OR56A3: variants seen among roughly 807,000 people sequenced by gnomAD.
OR56A3 encodes olfactory receptor 56A3.
OR56A3 carries 23 observed loss-of-function variants against 17.5 expected under a neutral mutation model. That is an observed-to-expected ratio of 1.32 (90% CI 0.95 to 1.87). The LOEUF is 1.87. Among genes scored for constraint, OR56A3 ranks in the 40% most tolerant of loss-of-function variants. The probability of loss-of-function intolerance (pLI) is 0.00; values close to 1 mark genes in which losing one functional copy is unlikely to be tolerated. For missense variants in OR56A3, 366 were observed against 380.1 expected, an observed-to-expected ratio of 0.96 and a Z score of 0.31; for synonymous variants, 175 against 150.6, an observed-to-expected ratio of 1.16 and a Z score of -1.19.
chr11:5,976,139 G>A, the OR56A3 span, among the ~76,000 whole-genome samples: 1 of 151,868 alleles, frequency 6.6e-6, no homozygotes, highest in East Asian at 1.9e-4. Flanking sequence ...GAAAGGAACT[G>A]GGAGAGGGAG....
intron 1 of OR56A3, among the ~76,000 whole-genome samples, chr11:5,943,971 A>C (rs987767235): frequency 6.6e-6 from 1 of 152,242 alleles, no homozygotes; most frequent in Non-Finnish European, 1.5e-5. Flanking sequence ...TTCTAGGCTT[A>C]GAAGGTCTTA....
the OR56A3 span, among the ~76,000 whole-genome samples, chr11:6,012,030 C>T: frequency 6.6e-6 from 1 of 152,220 alleles, no homozygotes; most frequent in African/African-American, 2.4e-5. Flanking sequence ...AGGGAGCTCC[C>T]AGATCTGGGC....
chr11:5,967,622 G>A, the OR56A3 span: 6 of 1,613,974 alleles, frequency 3.7e-6, no homozygotes, highest in Non-Finnish European at 5.1e-6. Context: ...AAACAATGGG[G>A]TTCAGAGCTG....
intron 1 of OR56A3, among the ~76,000 whole-genome samples, chr11:5,942,935 C>G (rs1305180862): frequency 6.6e-6 from 1 of 152,234 alleles, no homozygotes; most frequent in Non-Finnish European, 1.5e-5. Context: ...CTGGGAAAGC[C>G]TAGGCTGATG....
At chr11:6,001,951 T>A in the OR56A3 span, 3 of 1,239,254 alleles carry the variant, frequency 2.4e-6, no homozygotes, top group Non-Finnish European at 3.3e-6. Context: ...TCAGGCAGGA[T>A]TTAAAGTGAA....
the OR56A3 span, among the ~76,000 whole-genome samples, chr11:5,990,703 G>T: frequency 6.6e-6 from 1 of 152,144 alleles, no homozygotes; most frequent in Non-Finnish European, 1.5e-5. Context: ...CCTAATAAAA[G>T]ACGAAGATAC....
chr11:5,962,330 A>G, the OR56A3 span, among the ~76,000 whole-genome samples: 3 of 152,146 alleles, frequency 2.0e-5, no homozygotes, highest in African/African-American at 7.2e-5. Flanking sequence ...CATTTTCATC[A>G]GGGATGTTGG....
intron 2 of OR56A3, among the ~76,000 whole-genome samples, chr11:5,946,822 A>G (rs931964632): frequency 6.6e-6 from 1 of 152,252 alleles, no homozygotes; most frequent in Non-Finnish European, 1.5e-5. Flanking sequence ...AGTGCAGCAG[A>G]AAGGTTAGAA....
chr11:5,986,193 T>G, the OR56A3 span: 2 of 1,613,802 alleles, frequency 1.2e-6, no homozygotes, highest in Non-Finnish European at 1.7e-6. Flanking sequence ...CACTCCCTGG[T>G]ACCTTCAGCA....
chr11:6,003,278 A>T, the OR56A3 span: 13 of 573,538 alleles, frequency 2.3e-5, no homozygotes, highest in Admixed American at 4.4e-4. Context: ...CAGGTAATAA[A>T]ATAGAGATAA....
chr11:5,984,247 G>A, the OR56A3 span, among the ~76,000 whole-genome samples: 2 of 152,168 alleles, frequency 1.3e-5, no homozygotes, highest in African/African-American at 2.4e-5. Context: ...AATTCTAAAA[G>A]ATATACTTCA....
At chr11:5,991,447 T>A in the OR56A3 span, among the ~76,000 whole-genome samples, 1 of 152,306 alleles carries the variant, frequency 6.6e-6, no homozygotes, top group African/African-American at 2.4e-5. Context: ...ACAGGTCACA[T>A]TTCATAGAAG....
the OR56A3 span, among the ~76,000 whole-genome samples, chr11:5,998,061 G>T: frequency 6.6e-6 from 1 of 152,162 alleles, no homozygotes; most frequent in African/African-American, 2.4e-5. Flanking sequence ...AGGATGCTGA[G>T]ACACAATCCT....
chr11:5,997,277 C>A, the OR56A3 span, among the ~76,000 whole-genome samples: 1 of 152,200 alleles, frequency 6.6e-6, no homozygotes, highest in African/African-American at 2.4e-5. Context: ...GCATTTCTAC[C>A]AGAAGAATGA....
chr11:5,994,331 G>A, the OR56A3 span: 5 of 676,956 alleles, frequency 7.4e-6, no homozygotes, highest in Non-Finnish European at 1.4e-5. Flanking sequence ...TGACCACTGT[G>A]GTGCTCTCCT....
In OR56A3 at chr11:5,947,665, A is replaced by G; in HGVS notation, c.319A>G (p.Ile107Val). ...SFPACFLQMY[I>V]MNCFLAMESC... ...CCCTGCCTGCTTCCTCCAGATGTAC[A>G]TCATGAATTGTTTCCTAGCCATGGA... The change falls in exon 3 of 3, where the codon ATC (isoleucine) becomes GTC (valine). Residue 107 changes from isoleucine (I) to valine (V), a missense_variant. Transcript: ENST00000641160. The G allele has an allele frequency of 6.2e-7, 1 of 1,614,186 alleles. No homozygotes were observed.
chr11:5,945,246 T>C (rs562415595), intron 2 of OR56A3, among the ~76,000 whole-genome samples, 164 bp downstream of exon 2: 17 of 152,276 alleles, frequency 1.1e-4, no homozygotes, highest in Middle Eastern at 3.4e-3. Context: ...TTCTTTTTTA[T>C]AGGATCAGTG....
chr11:6,015,634 G>A, the OR56A3 span, among the ~76,000 whole-genome samples: 1 of 152,232 alleles, frequency 6.6e-6, no homozygotes, highest in African/African-American at 2.4e-5. Context: ...CCCACCTCTT[G>A]CATCAGTGTG....
chr11:6,002,984 A>T, the OR56A3 span: 11 of 1,614,154 alleles, frequency 6.8e-6, no homozygotes, highest in Admixed American at 5.0e-5. Context: ...CATTGCTGGG[A>T]GATGCCATGT....
Sources: allele counts gnomAD v4.1 joint callset (sites outside exome capture counted in the v4.1 genomes callset), GRCh38; gene constraint gnomAD v4.1.1; transcripts MANE v1.5; gene names NCBI Gene and HGNC (gene_info 2026-07-23, HGNC 2026-07-21).